KCNMA1: variants seen among roughly 807,000 people sequenced by gnomAD.
The protein encoded by KCNMA1 is potassium calcium-activated channel subfamily M alpha 1.
Under a neutral mutation model 140.0 loss-of-function variants are expected in KCNMA1, and 29 were observed. The ratio of observed to expected loss-of-function variants is 0.21; its 90% CI spans 0.15 to 0.28. The LOEUF (loss-of-function observed/expected upper bound fraction) is 0.28, where lower values mean the gene tolerates loss of function less well. Ranked by LOEUF, KCNMA1 falls within the 10% of genes least tolerant of loss-of-function variation. KCNMA1 has a pLI of 1.00. For missense variants in KCNMA1, 880 were observed against 1,602.2 expected (o/e 0.55, Z 7.70); for synonymous variants, 612 against 611.9 (o/e 1.00, Z 0.00).
rs916174916 is a variant in KCNMA1, at chr10:76,945,004, G to A, written c.2710-39C>T. 2.6e-6 allele frequency: 4 copies of A among 1,547,692 alleles called. No individual in the cohort carries two copies. The African/African-American group carries it at 5.5e-5, about 21-fold the overall frequency. ...GAAAGAAAAAAAAACAGAGATGGGG[G>A]GAGAAAGAGACAGAGAGAGAGAGAG... On this transcript the variant is annotated intron_variant, in intron 22 of 27. Transcript: ENST00000286628.
chr10:77,151,962 A>T (rs567227515), intron 5 of KCNMA1, among the ~76,000 whole-genome samples: 1 of 152,298 alleles, frequency 6.6e-6, no homozygotes, highest in South Asian at 2.1e-4. Flanking sequence ...GCTTCTCTTC[A>T]TAAGGGTGGT....
intron 1 of KCNMA1, among the ~76,000 whole-genome samples, chr10:77,619,713 G>A (rs1399482349): frequency 6.6e-6 from 1 of 152,170 alleles, no homozygotes; most frequent in Admixed American, 6.5e-5. Context: ...GGAGCTGTCT[G>A]CAGAGGAGAC....
intron 5 of KCNMA1, among the ~76,000 whole-genome samples, chr10:77,154,951 T>C (rs2098465797): frequency 1.3e-5 from 2 of 152,136 alleles, no homozygotes; most frequent in Admixed American, 6.5e-5. Context: ...AATGAGGTGA[T>C]AGATCAGTGG....
At chr10:76,909,832 C>T (rs1434359590) in intron 25 of KCNMA1, 134 bp downstream of exon 25, 2 of 906,668 alleles carry the variant, frequency 2.2e-6, no homozygotes, top group Admixed American at 4.0e-5. Context: ...TGGGTCTCCC[C>T]TTCTAAGGTG....
At chr10:77,282,708 CAA>C (rs2069104209) in intron 2 of KCNMA1, among the ~76,000 whole-genome samples, 1 of 120,970 alleles carries the variant, frequency 8.3e-6, no homozygotes, top group Non-Finnish European at 1.9e-5. Context: ...TCTGCAACAA[CAA>C]AGAGATAGAA....
chr10:77,160,056 C>T (rs1597502349), intron 5 of KCNMA1, among the ~76,000 whole-genome samples: 1 of 152,238 alleles, frequency 6.6e-6, no homozygotes, highest in East Asian at 1.9e-4. Flanking sequence ...AACTACTGTG[C>T]ATCTGCAGGA....
chr10:77,484,190 T>C (rs7076580), intron 1 of KCNMA1, among the ~76,000 whole-genome samples: 32,824 of 152,148 alleles, frequency 0.22, 3,919 homozygotes, highest in East Asian at 0.53. Context: ...AAGAGCTCTC[T>C]AGAAACTTCT....
Position 77,615,772 on chromosome 10 carries a change from C to T in KCNMA1, c.378+21493G>A, listed in dbSNP as rs571061726. On this transcript the variant is annotated intron_variant, in intron 1 of 27. Transcript: ENST00000286628. Reference sequence around the variant, plus strand: ...CTTTCTGCCTCCATCTTTAGCACTACCTCACTGTCCGTCTTGGTGCTCACT... The same window carrying T: ...CTTTCTGCCTCCATCTTTAGCACTATCTCACTGTCCGTCTTGGTGCTCACT... 3.4e-3 allele frequency among the ~76,000 whole-genome samples: 516 copies of T among 152,280 alleles called. 1 individual carries two copies. The highest frequency in any genetic ancestry group is 0.01 in the Middle Eastern group (3 of 294).
intron 5 of KCNMA1, among the ~76,000 whole-genome samples, chr10:77,172,176 A>C (rs2098714109): frequency 6.6e-6 from 1 of 152,148 alleles, no homozygotes; most frequent in South Asian, 2.1e-4. Context: ...TTTGAAGATG[A>C]TGTGAAGGTA....
chr10:77,131,157 T>G (rs898232008), intron 5 of KCNMA1, among the ~76,000 whole-genome samples: 1 of 152,190 alleles, frequency 6.6e-6, no homozygotes, highest in Non-Finnish European at 1.5e-5. Context: ...CTGAGTAAAC[T>G]GTAACTCTTG....
intron 16 of KCNMA1, chr10:77,019,731 G>A (rs1230727544): frequency 6.6e-6 from 1 of 152,164 alleles, no homozygotes; most frequent in Non-Finnish European, 1.5e-5. Flanking sequence ...GTCAGCAGTT[G>A]GATATACTTA....
At chr10:77,371,248 G>A (rs113996783) in intron 2 of KCNMA1, among the ~76,000 whole-genome samples, 2,372 of 152,186 alleles carry the variant, frequency 0.016, 70 homozygotes, top group African/African-American at 0.052. Context: ...TATGATATGT[G>A]ACCCCTGGCC....
intron 3 of KCNMA1, among the ~76,000 whole-genome samples, chr10:77,219,394 C>T (rs555539033): frequency 1.3e-5 from 2 of 152,078 alleles, no homozygotes; most frequent in South Asian, 2.1e-4. Flanking sequence ...CTTAAACTAG[C>T]GGAGTGGGGA....
intron 12 of KCNMA1, among the ~76,000 whole-genome samples, chr10:77,081,654 C>T (rs1234325144): frequency 6.6e-6 from 1 of 152,162 alleles, no homozygotes; most frequent in African/African-American, 2.4e-5. Context: ...CACAAATTCA[C>T]CCTGCGTTTT....
At chr10:77,342,486 A>G (rs1269815481) in intron 2 of KCNMA1, among the ~76,000 whole-genome samples, 3 of 152,162 alleles carry the variant, frequency 2.0e-5, no homozygotes, top group Non-Finnish European at 4.4e-5. Flanking sequence ...CAAGGCCCAC[A>G]ATCTTATGGG....
chr10:77,324,955 C>CTG (rs1262999462), intron 2 of KCNMA1, among the ~76,000 whole-genome samples: 163 of 104,148 alleles, frequency 1.6e-3, no homozygotes, highest in Middle Eastern at 4.5e-3. Flanking sequence ...CTCTCTCTCT[C>CTG]TCTCTCTCTC....
At chr10:77,250,845 A>G (rs764598595) in intron 3 of KCNMA1, 1 of 309,470 alleles carries the variant, frequency 3.2e-6, no homozygotes, top group Non-Finnish European at 6.2e-6. Flanking sequence ...TCTGTGGGAA[A>G]CTGTCACCCT....
chr10:77,445,167 G>T (rs1042732961), intron 1 of KCNMA1, among the ~76,000 whole-genome samples: 2 of 152,008 alleles, frequency 1.3e-5, no homozygotes, highest in African/African-American at 4.8e-5. Context: ...GAAGCCACAG[G>T]AAAAAAATGG....
chr10:77,531,917 A>G (rs1212009997), intron 1 of KCNMA1, among the ~76,000 whole-genome samples: 1 of 152,218 alleles, frequency 6.6e-6, no homozygotes, highest in Non-Finnish European at 1.5e-5. Context: ...AGCCCCAGGC[A>G]CAGTACTTCT....
Sources: gnomAD v4.1 joint callset for allele counts (sites outside exome capture counted in the v4.1 genomes callset) on GRCh38, gnomAD v4.1.1 for gene constraint, MANE v1.5 for transcripts, NCBI Gene and HGNC (gene_info 2026-07-23, HGNC 2026-07-21) for gene names.